The following ATP10B variants were observed in gnomAD, a reference collection of about 807,000 sequenced individuals.
The protein encoded by ATP10B is ATPase phospholipid transporting 10B (putative).
Under a neutral mutation model 141.2 loss-of-function variants are expected in ATP10B, and 122 were observed. That is an observed-to-expected ratio of 0.86 (90% CI 0.75 to 1.00). The LOEUF (loss-of-function observed/expected upper bound fraction) is 1.00. Ranked by LOEUF, ATP10B falls within the 50% of genes least tolerant of loss-of-function variation. The probability of loss-of-function intolerance (pLI) is 0.00; values close to 1 mark genes in which losing one functional copy is unlikely to be tolerated. For synonymous variants in ATP10B, 685 were observed against 692.0 expected (o/e 0.99, Z 0.16); for missense variants, 1,876 against 1,825.3 (o/e 1.03, Z -0.51).
chr5:160,807,998 C>T (rs1198844712), intron 1 of ATP10B, among the ~76,000 whole-genome samples: 1 of 152,116 alleles, frequency 6.6e-6, no homozygotes, highest in Admixed American at 6.6e-5. Context: ...TTAATGAATG[C>T]TATCTCTACT....
intron 2 of ATP10B, among the ~76,000 whole-genome samples, chr5:160,748,031 G>C (rs553016087): frequency 6.6e-6 from 1 of 151,192 alleles, no homozygotes; most frequent in African/African-American, 2.4e-5. Flanking sequence ...CCGGGGTTGT[G>C]GCGGGGAGCG....
chr5:160,716,327 C>T, intron 3 of ATP10B, among the ~76,000 whole-genome samples: 1 of 152,168 alleles, frequency 6.6e-6, no homozygotes, highest in East Asian at 1.9e-4. Context: ...ACTATAAGCA[C>T]TTTGCATGTC....
At chr5:160,646,724 T>C (rs893827508) in intron 8 of ATP10B, among the ~76,000 whole-genome samples, 1 of 152,168 alleles carries the variant, frequency 6.6e-6, no homozygotes, top group East Asian at 1.9e-4. Flanking sequence ...TCTGAAGTGA[T>C]AGCATATGAG....
intron 8 of ATP10B, among the ~76,000 whole-genome samples, chr5:160,645,377 G>A (rs1018331425): frequency 3.9e-5 from 6 of 152,184 alleles, no homozygotes; most frequent in African/African-American, 1.4e-4. Context: ...ACAGGGGACA[G>A]GTAAGAATGG....
At chr5:160,597,276 C>G (rs1033352720) in intron 22 of ATP10B, among the ~76,000 whole-genome samples, 18 of 152,314 alleles carry the variant, frequency 1.2e-4, no homozygotes, top group African/African-American at 3.4e-4. Context: ...ACAAACCTGA[C>G]AAAAACTAGC....
In ATP10B at chr5:160,607,032, C is replaced by A. The variant is rs1757432962; in HGVS notation, c.2893G>T (p.Glu965Ter). Residue 965 changes from glutamate (E) to a stop codon, truncating the protein, a stop_gained, in exon 19 of 26, where the codon GAA (glutamate) becomes TAA (stop). Coordinates refer to ENST00000327245, the MANE Select transcript of ATP10B (RefSeq NM_025153.3). LOFTEE classifies it high-confidence loss of function. Reference sequence around the variant, plus strand: ...AGCTTGCGGTCTGGCTTCTGTAGTTCACGAAATTGCTTTAGCTCTTCCAAT... The same window carrying A: ...AGCTTGCGGTCTGGCTTCTGTAGTTAACGAAATTGCTTTAGCTCTTCCAAT... ...CALEELKQFRELQKPDRKLFG... is the reference protein window; with the variant it reads ...CALEELKQFR 8.7e-6 allele frequency: 14 copies of A among 1,613,972 alleles called. No individual in the cohort carries two copies. The highest frequency in any genetic ancestry group is 1.3e-5 in the African/African-American group (1 of 74,892).
chr5:160,805,028 T>A (rs1772679693), intron 1 of ATP10B, among the ~76,000 whole-genome samples: 1 of 152,240 alleles, frequency 6.6e-6, no homozygotes. Context: ...AAAAAAAAGC[T>A]GTGCATACAT....
In ATP10B at chr5:160,644,179, A is replaced by C; in HGVS notation, c.827T>G (p.Ile276Ser). 1.2e-6 allele frequency: 2 copies of C among 1,613,924 alleles called. No homozygotes were observed. Among genetic ancestry groups the C allele is most frequent in the Non-Finnish European group, 1.7e-6 (2 of 1,179,908 alleles). The change falls in exon 9 of 26, where the codon ATC (isoleucine) becomes AGC (serine). Residue 276 changes from isoleucine to serine, a missense_variant. Ile to Ser is a moderately radical substitution (Grantham distance 142, BLOSUM62 -2). Transcript: ENST00000327245. ...GCCAACAGCCATCTCGGTGTTTCTGATGGTGCAGCCTCGAAGCAGAAGACT... is the reference window on the plus strand; with the variant it reads ...GCCAACAGCCATCTCGGTGTTTCTGCTGGTGCAGCCTCGAAGCAGAAGACT... ...CESLLLRGCT[I>S]RNTEMAVGIV...
intron 7 of ATP10B, among the ~76,000 whole-genome samples, chr5:160,663,678 T>C (rs987272290): frequency 2.1e-4 from 2 of 9,516 alleles, no homozygotes; most frequent in Admixed American, 7.4e-4. Context: ...TTAGGAGATA[T>C]ACCTAATGCT....
At chr5:160,628,364 TC>T (rs769651124) in intron 13 of ATP10B, among the ~76,000 whole-genome samples, 1 of 152,236 alleles carries the variant, frequency 6.6e-6, no homozygotes, top group East Asian at 1.9e-4. Flanking sequence ...CCCTGTGTGA[TC>T]ACATCACTTC....
intron 4 of ATP10B, among the ~76,000 whole-genome samples, chr5:160,688,507 AG>A (rs1305759649): frequency 1.3e-5 from 2 of 152,326 alleles, no homozygotes; most frequent in African/African-American, 4.8e-5. Context: ...CCTGCAGGTC[AG>A]AAGACTAGCT....
chr5:160,903,224 T>C, the ATP10B span, among the ~76,000 whole-genome samples: 1 of 152,140 alleles, frequency 6.6e-6, no homozygotes, highest in Non-Finnish European at 1.5e-5. Context: ...GACCCAAGAC[T>C]GGAACCTGGT....
intron 2 of ATP10B, among the ~76,000 whole-genome samples, chr5:160,750,736 A>T (rs2127822250): frequency 6.6e-6 from 1 of 152,218 alleles, no homozygotes; most frequent in East Asian, 1.9e-4. Context: ...GACTTATAAT[A>T]AGTGACGTCG....
intron 5 of ATP10B, 108 bp from the exon 6 acceptor site, chr5:160,686,381 A>T: frequency 1.4e-6 from 1 of 727,822 alleles, no homozygotes; most frequent in African/African-American, 1.8e-5. Flanking sequence ...CTTCTCTTTC[A>T]GTATCACCTC....
At chr5:160,780,650 A>T (rs1770654229) in intron 2 of ATP10B, among the ~76,000 whole-genome samples, 1 of 152,182 alleles carries the variant, frequency 6.6e-6, no homozygotes, top group Admixed American at 6.5e-5. Context: ...AACACTCCTG[A>T]AACTTTTCCT....
chr5:160,718,932 T>TC (rs1765817485), intron 2 of ATP10B, among the ~76,000 whole-genome samples: 1 of 152,152 alleles, frequency 6.6e-6, no homozygotes, highest in African/African-American at 2.4e-5. Context: ...TCCGCCACTG[T>TC]CCCGGCACAT....
chr5:160,643,231 A>G (rs1760008564), intron 9 of ATP10B, among the ~76,000 whole-genome samples: 1 of 152,246 alleles, frequency 6.6e-6, no homozygotes, highest in African/African-American at 2.4e-5. Flanking sequence ...GTAGATGGAT[A>G]TTTAAATGCT....
At chr5:160,869,441 A>T in the ATP10B span, among the ~76,000 whole-genome samples, 1 of 152,184 alleles carries the variant, frequency 6.6e-6, no homozygotes, top group Non-Finnish European at 1.5e-5. Context: ...AGACAAAAAA[A>T]AAATAGTCCT....
intron 1 of ATP10B, among the ~76,000 whole-genome samples, chr5:160,837,779 T>A (rs942485746): frequency 6.6e-6 from 1 of 152,140 alleles, no homozygotes; most frequent in African/African-American, 2.4e-5. Flanking sequence ...GAGACCATTT[T>A]AAAGTTATTT....
Sources: gnomAD v4.1 joint callset for allele counts (sites outside exome capture counted in the v4.1 genomes callset) on GRCh38, gnomAD v4.1.1 for gene constraint, MANE v1.5 for transcripts, NCBI Gene and HGNC (gene_info 2026-07-23, HGNC 2026-07-21) for gene names.